Variants in FANCC observed in about 807,000 individuals in gnomAD.
The protein encoded by FANCC is Fanconi anemia group C protein.
In FANCC, 55 loss-of-function variants were observed where a neutral mutation model predicts 71.3. That is an observed-to-expected ratio of 0.77 (90% CI 0.62 to 0.97). The LOEUF is 0.97. FANCC is among the 50% of genes least tolerant of loss of function. FANCC has a pLI of 0.00. For missense variants in FANCC, 678 were observed against 670.9 expected (o/e 1.01, Z -0.12); for synonymous variants, 275 against 244.9 (o/e 1.12, Z -1.15).
intron 4 of FANCC, among the ~76,000 whole-genome samples, chr9:95,187,691 A>C (rs1432758351): frequency 6.6e-6 from 1 of 151,834 alleles, no homozygotes; most frequent in Non-Finnish European, 1.5e-5. Flanking sequence ...TATAGCTCAA[A>C]TGCTGTGTGT....
At chr9:95,128,604 G>C (rs966679208) in intron 8 of FANCC, among the ~76,000 whole-genome samples, 3 of 152,190 alleles carry the variant, frequency 2.0e-5, no homozygotes, top group Admixed American at 1.3e-4. Flanking sequence ...AAGGAAGACA[G>C]CTCTTACTCA....
At chr9:95,265,490 C>A (rs187238651) in intron 1 of FANCC, among the ~76,000 whole-genome samples, 1 of 152,182 alleles carries the variant, frequency 6.6e-6, no homozygotes, top group East Asian at 1.9e-4. Flanking sequence ...TCCATCAGAG[C>A]ACCAAGGAGC....
intron 8 of FANCC, among the ~76,000 whole-genome samples, chr9:95,134,594 G>A (rs1308537611): frequency 1.3e-5 from 2 of 152,268 alleles, no homozygotes; most frequent in Non-Finnish European, 2.9e-5. Context: ...GACAGAGGCT[G>A]CGGGACCATG....
intron 4 of FANCC, among the ~76,000 whole-genome samples, chr9:95,209,688 G>A (rs1461643775): frequency 2.6e-5 from 4 of 151,990 alleles, no homozygotes; most frequent in Non-Finnish European, 4.4e-5. Context: ...TTTCTCATCC[G>A]GCCCCCTTTA....
chr9:95,289,296 G>A (rs1405244988), intron 1 of FANCC, among the ~76,000 whole-genome samples: 6 of 152,120 alleles, frequency 3.9e-5, no homozygotes, highest in Non-Finnish European at 5.9e-5. Context: ...CTATCTGTCT[G>A]TCTCCTGCCA....
rs1588028749 is a variant in FANCC, at chr9:95,107,061, C to T, written c.1533+5G>A. On this transcript the variant is annotated splice_donor_5th_base_variant and intron_variant, in intron 14 of 14. Coordinates refer to ENST00000289081, the MANE Select transcript of FANCC (RefSeq NM_000136.3). ...ACTAGGATGCTGGACCACAGGGAGA[C>T]TTACCAGGGTGATGACATCCCAGGC... The T allele has an allele frequency of 6.2e-7, 1 of 1,614,170 alleles. No homozygotes were observed. Among genetic ancestry groups the T allele is most frequent in the East Asian group, 2.2e-5 (1 of 44,892 alleles).
intron 1 of FANCC, among the ~76,000 whole-genome samples, chr9:95,279,532 C>T (rs1206509672): frequency 6.6e-6 from 1 of 150,432 alleles, no homozygotes; most frequent in African/African-American, 2.4e-5. Context: ...ATAATACTTA[C>T]TTAAAAGAGC....
intron 6 of FANCC, 78 bp from the exon 7 acceptor site, chr9:95,150,165 A>C: frequency 6.6e-7 from 1 of 1,506,624 alleles, no homozygotes. Flanking sequence ...CTTCATGCTA[A>C]AAAGGTCAAA....
intron 1 of FANCC, among the ~76,000 whole-genome samples, chr9:95,309,458 T>C (rs1050349563): frequency 6.6e-6 from 1 of 152,196 alleles, no homozygotes; most frequent in Non-Finnish European, 1.5e-5. Flanking sequence ...CTTTAATATG[T>C]AGGGGTAGAT....
intron 1 of FANCC, among the ~76,000 whole-genome samples, chr9:95,310,652 A>C (rs1181414149): frequency 6.6e-6 from 1 of 152,134 alleles, no homozygotes; most frequent in Non-Finnish European, 1.5e-5. Context: ...TCAATAAAAC[A>C]CACTCCTTAA....
chr9:95,317,345 A>T (rs937625393), intron 1 of FANCC, 181 bp downstream of exon 1: 1 of 135,220 alleles, frequency 7.4e-6, no homozygotes, highest in African/African-American at 3.0e-5. Flanking sequence ...CCTCAGCCTT[A>T]GCCACAGCCC....
In FANCC at chr9:95,159,977, T is replaced by C. The variant is rs536612687; in HGVS notation, c.522-9890A>G. ...AAAAATTTTCTCCCATTCTGTAGGT[T>C]GCCTGTTCACTCTGATGGTAGTTTC... On this transcript the variant is annotated intron_variant, in intron 6 of 14. Coordinates refer to ENST00000289081, the MANE Select transcript of FANCC (RefSeq NM_000136.3). Among the ~76,000 whole-genome samples, 3 of 152,356 alleles carry C rather than the reference T, an allele frequency of 2.0e-5. No homozygotes were observed. The East Asian group carries it at 5.8e-4, about 29-fold the overall frequency.
At chr9:95,288,296 A>T (rs1380845928) in intron 1 of FANCC, among the ~76,000 whole-genome samples, 2 of 152,176 alleles carry the variant, frequency 1.3e-5, no homozygotes, top group African/African-American at 4.8e-5. Flanking sequence ...CTTTACCAAG[A>T]CCATATATAG....
chr9:95,315,477 G>A (rs908709448), intron 1 of FANCC, among the ~76,000 whole-genome samples: 3 of 152,274 alleles, frequency 2.0e-5, no homozygotes, highest in African/African-American at 4.8e-5. Context: ...TTCCGCCTCC[G>A]CTTCCCAAAG....
At chr9:95,187,192 G>A (rs1588246796) in intron 4 of FANCC, among the ~76,000 whole-genome samples, 1 of 152,208 alleles carries the variant, frequency 6.6e-6, no homozygotes, top group Non-Finnish European at 1.5e-5. Flanking sequence ...ACGGGAAGCA[G>A]CGAGCGTTAC....
intron 7 of FANCC, among the ~76,000 whole-genome samples, chr9:95,135,816 C>T (rs989980290): frequency 6.6e-6 from 1 of 152,180 alleles, no homozygotes; most frequent in Non-Finnish European, 1.5e-5. Flanking sequence ...GAAAAGGCCT[C>T]GTGATGCCCA....
At chr9:95,268,798 G>A (rs957202101) in intron 1 of FANCC, among the ~76,000 whole-genome samples, 1 of 152,088 alleles carries the variant, frequency 6.6e-6, no homozygotes, top group African/African-American at 2.4e-5. Context: ...CATTTCCAAA[G>A]ACAGAAAGCC....
At chr9:95,199,537 G>A (rs1471667651) in intron 4 of FANCC, among the ~76,000 whole-genome samples, 1 of 152,144 alleles carries the variant, frequency 6.6e-6, no homozygotes, top group East Asian at 1.9e-4. Flanking sequence ...CCAGGGCGTG[G>A]TCTCTCGGTC....
At chr9:95,260,842 T>A (rs1831999008) in intron 1 of FANCC, among the ~76,000 whole-genome samples, 1 of 152,212 alleles carries the variant, frequency 6.6e-6, no homozygotes, top group Non-Finnish European at 1.5e-5. Flanking sequence ...TGAAATAGTA[T>A]GTATTTTCTG....
Sources: allele counts gnomAD v4.1 joint callset (sites outside exome capture counted in the v4.1 genomes callset), GRCh38; gene constraint gnomAD v4.1.1; transcripts MANE v1.5; gene names NCBI Gene and HGNC (gene_info 2026-07-23, HGNC 2026-07-21).